Variants in SSBP4 observed in about 807,000 individuals in gnomAD.
SSBP4 encodes the protein single stranded DNA binding protein 4.
In SSBP4, 33 loss-of-function variants were observed where a neutral mutation model predicts 64.6. That is an observed-to-expected ratio of 0.51 (90% CI 0.39 to 0.68). The LOEUF (loss-of-function observed/expected upper bound fraction) is 0.68. SSBP4 is among the 30% of genes least tolerant of loss of function. SSBP4 has a pLI of 0.00. For missense variants in SSBP4, 583 were observed against 566.8 expected (o/e 1.03, Z -0.29); for synonymous variants, 243 against 224.0 (o/e 1.08, Z -0.76).
Position 18,426,318 on chromosome 19 carries a change from C to T in SSBP4, c.60-1033C>T, listed in dbSNP as rs1972852188. ...GTGGAAGGGCCCCCAGGCCTGCCTG[C>T]TTCTCGCCTCTAGGGCTCAGCCTCA... On this transcript the variant is annotated intron_variant, in intron 1 of 17. Coordinates refer to ENST00000270061, the MANE Select transcript of SSBP4 (RefSeq NM_032627.5). This position sits in a 1 kb window ranked among gnomAD's most constrained non-coding sequence, Gnocchi z 4.5. Among the ~76,000 whole-genome samples the T allele has an allele frequency of 6.6e-6, 1 of 152,192 alleles. No individual in the cohort carries two copies. The highest frequency in any genetic ancestry group is 2.4e-5 in the African/African-American group (1 of 41,450).
intron 5 of SSBP4, 136 bp from the exon 6 acceptor site, chr19:18,431,217 C>T (rs1973347130): frequency 1.7e-6 from 1 of 585,180 alleles, no homozygotes; most frequent in Non-Finnish European, 3.0e-6. Flanking sequence ...GTGCCTGAGT[C>T]CTGCCCTCAA....
intron 1 of SSBP4, chr19:18,425,973 A>T (rs944388226): frequency 6.6e-6 from 1 of 152,354 alleles, no homozygotes; most frequent in Non-Finnish European, 1.5e-5. Context: ...GGGTGTGTGC[A>T]CTGCGCAAAA....
chr19:18,433,249 T>C, intron 15 of SSBP4, 36 bp downstream of exon 15: 1 of 1,538,980 alleles, frequency 6.5e-7, no homozygotes. Context: ...CACGTTGCCT[T>C]CCGGGCCCGT....
intron 17 of SSBP4, 190 bp from the exon 18 acceptor site, chr19:18,434,027 C>G: frequency 7.7e-7 from 1 of 1,292,510 alleles, no homozygotes. Flanking sequence ...ATCCCATCCG[C>G]CCCCACCCCG....
At chr19:18,416,463 G>C (rs1465429180), upstream of SSBP4, among the ~76,000 whole-genome samples, 1 of 152,154 alleles carries the variant, frequency 6.6e-6, no homozygotes, top group East Asian at 1.9e-4. Context: ...GGCACACGCT[G>C]CCACCACGTG....
At chr19:18,430,062 G>A (rs913486819) in intron 4 of SSBP4, among the ~76,000 whole-genome samples, 7 of 152,192 alleles carry the variant, frequency 4.6e-5, no homozygotes, top group African/African-American at 1.7e-4. Context: ...CTGTGTGCTG[G>A]CTTGGGCCGA....
chr19:18,427,882 C>T lies in SSBP4; in HGVS notation c.195-16C>T. Reference sequence around the variant, plus strand: ...GGGAGGCACGTGGAGCAACCATCTTCCCCTTTGGCCCACAGCGTCTTCTGG... The same window carrying T: ...GGGAGGCACGTGGAGCAACCATCTTTCCCTTTGGCCCACAGCGTCTTCTGG... On this transcript the variant is annotated splice_polypyrimidine_tract_variant and intron_variant, in intron 3 of 17. Coordinates refer to ENST00000270061, the MANE Select transcript of SSBP4 (RefSeq NM_032627.5). This position sits in a 1 kb window ranked among gnomAD's most constrained non-coding sequence, Gnocchi z 4.4. 6.2e-7 allele frequency: 1 copy of T among 1,614,062 alleles called. No individual in the cohort carries two copies. Among genetic ancestry groups the T allele is most frequent in the Non-Finnish European group, 8.5e-7 (1 of 1,179,978 alleles).
Position 18,427,790 on chromosome 19 carries a change from T to C in SSBP4, c.171T>C (p.Pro57=). The change falls in exon 3 of 18, where the codon CCT becomes CCC. Residue 57 remains proline (P), a synonymous_variant. Transcript: ENST00000270061. The surrounding 1 kb of genome is among the most constrained non-coding windows in gnomAD (Gnocchi z 4.4). ...AGAACATCACGCTGGGGGAGCCCCC[T>C]GGGTTCCTGCACTCCTGGTGGTGGT... The part of the protein sequence containing the change: ...WEKNITLGEP[P]GFLHSWWCVF... The C allele has an allele frequency of 6.2e-7, 1 of 1,606,652 alleles. No homozygotes were observed. The highest frequency in any genetic ancestry group is 1.1e-5 in the South Asian group (1 of 90,904).
chr19:18,414,700 G>A (rs181024709), upstream of SSBP4, among the ~76,000 whole-genome samples: 3 of 152,290 alleles, frequency 2.0e-5, no homozygotes, highest in Admixed American at 2.0e-4. Flanking sequence ...TGTGGAGGAC[G>A]GACGTGGGGG....
At chr19:18,419,322 C>T (rs1474552406), upstream of SSBP4, 2 of 1,008,930 alleles carry the variant, frequency 2.0e-6, no homozygotes, top group East Asian at 1.0e-4. Context: ...CCGCCATCGC[C>T]CCTTTAAGAG....
rs1007102864 is a variant in SSBP4, at chr19:18,427,595, C to T, written c.133-157C>T. Among the ~76,000 whole-genome samples, 20 of 152,302 alleles carry T rather than the reference C, an allele frequency of 1.3e-4. 2 individuals carry two copies. The highest frequency in any genetic ancestry group is 9.1e-4 in the Admixed American group (14 of 15,308). On this transcript the variant is annotated intron_variant, in intron 2 of 17. Transcript: ENST00000270061. The surrounding 1 kb of genome is among the most constrained non-coding windows in gnomAD (Gnocchi z 4.4). ...AGCATCCAGGCATCTGGTCCACATGCCCAGCCGGGACCTGCCACACATCCT... is the reference window on the plus strand; with the variant it reads ...AGCATCCAGGCATCTGGTCCACATGTCCAGCCGGGACCTGCCACACATCCT...
intron 6 of SSBP4, 57 bp downstream of exon 6, chr19:18,431,475 C>A (rs1025282813): frequency 1.5e-4 from 165 of 1,093,550 alleles, no homozygotes; most frequent in Admixed American, 3.8e-4. Flanking sequence ...CCAGCGCCGC[C>A]CCCTCCCACC....
rs1255858798 is a variant in SSBP4, at chr19:18,427,880, T to C, written c.195-18T>C. 6.2e-6 allele frequency: 10 copies of C among 1,614,032 alleles called. 1 individual carries two copies. The highest frequency in any genetic ancestry group is 3.3e-5 in the South Asian group (3 of 91,084). ...GAGGGAGGCACGTGGAGCAACCATCTTCCCCTTTGGCCCACAGCGTCTTCT... is the reference window on the plus strand; with the variant it reads ...GAGGGAGGCACGTGGAGCAACCATCCTCCCCTTTGGCCCACAGCGTCTTCT... On this transcript the variant is annotated intron_variant, in intron 3 of 17. Coordinates refer to ENST00000270061, the MANE Select transcript of SSBP4 (RefSeq NM_032627.5). This position sits in a 1 kb window ranked among gnomAD's most constrained non-coding sequence, Gnocchi z 4.4.
intron 4 of SSBP4, among the ~76,000 whole-genome samples, chr19:18,428,451 GCTGCCCACTC>G: frequency 6.6e-6 from 1 of 152,196 alleles, no homozygotes; most frequent in African/African-American, 2.4e-5. Context: ...GGTATCTGGA[GCTGCCCACTC>G]CCTCTCTGCT....
intron 1 of SSBP4, among the ~76,000 whole-genome samples, chr19:18,421,512 G>T (rs911067233): frequency 6.6e-6 from 1 of 152,340 alleles, no homozygotes; most frequent in East Asian, 1.9e-4. Context: ...TGTGGCAGTC[G>T]GGAAGGCAGG....
upstream of SSBP4, among the ~76,000 whole-genome samples, chr19:18,415,074 C>T (rs1201735569): frequency 7.0e-6 from 1 of 143,060 alleles, no homozygotes; most frequent in Non-Finnish European, 1.5e-5. Flanking sequence ...ACCCCCCACC[C>T]TCGACCTACC....
intron 4 of SSBP4, among the ~76,000 whole-genome samples, chr19:18,429,962 G>T (rs1009972185): frequency 2.0e-5 from 3 of 152,216 alleles, no homozygotes; most frequent in African/African-American, 7.2e-5. Flanking sequence ...CAGTCCCTGA[G>T]GGCAGGAAAC....
At chr19:18,408,007 A>G in the SSBP4 span, among the ~76,000 whole-genome samples, 2 of 151,506 alleles carry the variant, frequency 1.3e-5, no homozygotes, top group South Asian at 4.2e-4. Context: ...GGCCTCCCAG[A>G]GTGCTGGGAC....
chr19:18,422,147 C>T (rs1488539735), intron 1 of SSBP4, among the ~76,000 whole-genome samples: 4 of 151,858 alleles, frequency 2.6e-5, no homozygotes, highest in Non-Finnish European at 4.4e-5. Flanking sequence ...GGTGACAGGG[C>T]GAGACTCCAT....
Sources: allele counts gnomAD v4.1 joint callset (sites outside exome capture counted in the v4.1 genomes callset), GRCh38; gene constraint gnomAD v4.1.1; non-coding constraint Gnocchi (gnomAD v3.1); transcripts MANE v1.5; gene names NCBI Gene and HGNC (gene_info 2026-07-23, HGNC 2026-07-21).